The following TLK1 variants were observed in gnomAD, a reference collection of about 807,000 sequenced individuals.
The protein encoded by TLK1 is serine/threonine-protein kinase tousled-like 1.
Under a neutral mutation model 105.3 loss-of-function variants are expected in TLK1, and 24 were observed. The observed-to-expected ratio is 0.23, with a 90% CI of 0.17 to 0.32. The LOEUF (loss-of-function observed/expected upper bound fraction) is 0.32, where lower values mean the gene tolerates loss of function less well. Among genes scored for constraint, TLK1 ranks in the 10% least tolerant of loss-of-function variants. TLK1 has a pLI of 1.00. For synonymous variants in TLK1, 321 were observed against 310.4 expected, an observed-to-expected ratio of 1.03 and a Z score of -0.36; for missense variants, 558 against 910.5, an observed-to-expected ratio of 0.61 and a Z score of 4.98.
intron 1 of TLK1, among the ~76,000 whole-genome samples, chr2:171,211,416 T>C (rs1411576917): frequency 6.6e-6 from 1 of 152,222 alleles, no homozygotes; most frequent in Non-Finnish European, 1.5e-5. Flanking sequence ...GCTTACCCTA[T>C]ACTTATTTAA....
chr2:171,038,668 G>C (rs1274121979), intron 11 of TLK1, among the ~76,000 whole-genome samples: 1 of 152,106 alleles, frequency 6.6e-6, no homozygotes. Context: ...TTTCATCCTG[G>C]AGTTCTACCA....
intron 2 of TLK1, among the ~76,000 whole-genome samples, chr2:171,115,170 C>CTTTTTTTTTTTTTTTTTTTTTTTTTTTT (rs373796060): frequency 2.2e-5 from 3 of 135,768 alleles, no homozygotes; most frequent in Non-Finnish European, 4.6e-5. Context: ...TTAAGAATTT[C>CTTTTTTTTTTTTTTTTTTTTTTTTTTTT]TTTCTTTTTT....
At chr2:171,057,735 T>A (rs1247964179) in intron 5 of TLK1, among the ~76,000 whole-genome samples, 8 of 152,110 alleles carry the variant, frequency 5.3e-5, no homozygotes, top group Non-Finnish European at 7.4e-5. Context: ...TATTCTTTAC[T>A]CTTCAATTCA....
At position 171,076,725 on chromosome 2, in the gene TLK1, C is replaced by A. The variant is rs991596242; in HGVS notation, c.330+6056G>T. Among the ~76,000 whole-genome samples, 3 of 142,152 alleles carry A rather than the reference C, an allele frequency of 2.1e-5. No individual in the cohort carries two copies. The Admixed American group carries it at 2.1e-4, about 10-fold the overall frequency. The allele number at this position is 142,152 out of a possible 152,430, so 93.3% of individuals were successfully genotyped here. A position where few individuals can be genotyped will look rare whatever the true frequency, so the allele number is the denominator to read the frequency against. On this transcript the variant is annotated intron_variant, in intron 3 of 20. Transcript: ENST00000431350. ...GCATCCTGACTAACACGGTGAAACT[C>A]CATCTCTACTAAAAAAAAAAAAAAA...
At chr2:171,077,014 AG>A (rs1688546598) in intron 3 of TLK1, among the ~76,000 whole-genome samples, 1 of 152,220 alleles carries the variant, frequency 6.6e-6, no homozygotes, top group Non-Finnish European at 1.5e-5. Flanking sequence ...CCAGCAGGTC[AG>A]GTACATGACC....
chr2:171,123,659 T>A (rs1207980986), intron 1 of TLK1, among the ~76,000 whole-genome samples: 1 of 151,998 alleles, frequency 6.6e-6, no homozygotes, highest in Admixed American at 6.6e-5. Flanking sequence ...ATTAAAAAAA[T>A]AAAACCTAAG....
chr2:171,222,459 G>T (rs886876812), intron 1 of TLK1, among the ~76,000 whole-genome samples: 2 of 151,992 alleles, frequency 1.3e-5, no homozygotes, highest in Non-Finnish European at 2.9e-5. Flanking sequence ...GCCTGCCCAG[G>T]AGCTAGAACC....
chr2:171,158,882 G>A (rs1460335292), intron 1 of TLK1, among the ~76,000 whole-genome samples: 7 of 152,156 alleles, frequency 4.6e-5, no homozygotes, highest in Admixed American at 3.9e-4. Context: ...AAGATGAAAG[G>A]GGGAAACGTC....
chr2:171,074,193 A>T (rs140077418), intron 3 of TLK1, among the ~76,000 whole-genome samples: 96 of 152,182 alleles, frequency 6.3e-4, no homozygotes, highest in African/African-American at 2.2e-3. Flanking sequence ...TCCCGGCCAC[A>T]TTCCCCATTT....
rs1173704912 is a variant in TLK1, at chr2:171,167,333, A to C, written c.-5-49476T>G. Among the ~76,000 whole-genome samples the C allele has an allele frequency of 2.6e-5, 4 of 152,116 alleles. No individual in the cohort carries two copies. The East Asian group carries it at 7.7e-4, about 29-fold the overall frequency. On this transcript the variant is annotated intron_variant, in intron 1 of 20. Transcript: ENST00000521943. Reference sequence around the variant, plus strand: ...AACAAGGCCTCCTCTGCCTGGACTCACCTCCAAATTTTTGTTTCCTTCTTT... The same window carrying C: ...AACAAGGCCTCCTCTGCCTGGACTCCCCTCCAAATTTTTGTTTCCTTCTTT...
chr2:171,084,065 T>A (rs1688863588), intron 2 of TLK1, among the ~76,000 whole-genome samples: 1 of 151,916 alleles, frequency 6.6e-6, no homozygotes, highest in Non-Finnish European at 1.5e-5. Flanking sequence ...GTGACAAGAA[T>A]CTCCATGAAT....
rs1347005308 is a variant in TLK1, at chr2:171,058,158, T to C, written c.446A>G (p.Tyr149Cys). Reference sequence around the variant, plus strand: ...AATCCTCAATGAACTTACTTCAAAATAGTCGCTAATTTTGTGGCCACGTCC... The same window carrying C: ...AATCCTCAATGAACTTACTTCAAAACAGTCGCTAATTTTGTGGCCACGTCC... ...IGGRGHKISD[Y>C]FEYQGGNGSS... Residue 149 changes from tyrosine to cysteine, a missense_variant, in exon 5 of 21, where the codon TAT becomes TGT. Physicochemically the swap from Tyr to Cys is radical, Grantham distance 194. Around this residue, in one of 5 missense-constraint regions of TLK1, gnomAD observed 196 missense variants for 239.3 expected, o/e 0.82. Transcript: ENST00000431350. 3.1e-6 allele frequency: 5 copies of C among 1,613,530 alleles called. No homozygotes were observed. Among genetic ancestry groups the C allele is most frequent in the South Asian group, 2.2e-5 (2 of 91,064 alleles).
intron 4 of TLK1, chr2:171,060,066 A>G (rs983779673): frequency 2.5e-6 from 4 of 1,590,882 alleles, no homozygotes; most frequent in African/African-American, 1.3e-5. Flanking sequence ...AAACACTGAA[A>G]GCCAGACTAA....
chr2:171,161,259 G>T (rs769753829), upstream of TLK1, among the ~76,000 whole-genome samples: 10 of 151,636 alleles, frequency 6.6e-5, no homozygotes, highest in Non-Finnish European at 1.5e-4. Flanking sequence ...GTCTCCCGCG[G>T]AAGCGCGCCT....
intron 1 of TLK1, among the ~76,000 whole-genome samples, chr2:171,132,248 T>A (rs1434113008): frequency 1.3e-5 from 2 of 152,058 alleles, no homozygotes; most frequent in African/African-American, 4.8e-5. Context: ...TACAAAACCA[T>A]TACATCTTGT....
intron 1 of TLK1, among the ~76,000 whole-genome samples, chr2:171,202,851 A>G (rs1693430007): frequency 6.6e-6 from 1 of 152,156 alleles, no homozygotes; most frequent in Non-Finnish European, 1.5e-5. Context: ...GCACATATAA[A>G]TATCATTCTC....
At chr2:171,001,791 C>A (rs376558151) in intron 18 of TLK1, among the ~76,000 whole-genome samples, 5 of 152,004 alleles carry the variant, frequency 3.3e-5, no homozygotes, top group South Asian at 2.1e-4. Context: ...TTCATTCATT[C>A]ATGAATGAAT....
rs753799724 is a variant in TLK1 at position 171,006,960 on chromosome 2, A to G, written c.1508+12T>C. The G allele has an allele frequency of 6.2e-7, 1 of 1,607,060 alleles. No homozygotes were observed. The highest frequency in any genetic ancestry group is 1.1e-5 in the South Asian group (1 of 89,834). ...ATTCAATTTTAAAAAACCATAAAGTATTAGTATTTACTTGTGGTAGTTTTC... is the reference window on the plus strand; with the variant it reads ...ATTCAATTTTAAAAAACCATAAAGTGTTAGTATTTACTTGTGGTAGTTTTC... On this transcript the variant is annotated intron_variant, in intron 15 of 20. Coordinates refer to ENST00000431350, the MANE Select transcript of TLK1 (RefSeq NM_012290.5).
chr2:171,119,936 A>G (rs891164153), intron 1 of TLK1, among the ~76,000 whole-genome samples: 1 of 152,144 alleles, frequency 6.6e-6, no homozygotes, highest in African/African-American at 2.4e-5. Flanking sequence ...ATCTAACACC[A>G]AAAGCACAGG....
Sources: allele counts gnomAD v4.1 joint callset (sites outside exome capture counted in the v4.1 genomes callset), GRCh38; gene constraint gnomAD v4.1.1; regional missense constraint gnomAD v4.1.1; transcripts MANE v1.5; gene names NCBI Gene and HGNC (gene_info 2026-07-23, HGNC 2026-07-21).